TSHZ2: variants seen among roughly 807,000 people sequenced by gnomAD.
The protein encoded by TSHZ2 is teashirt zinc finger homeobox 2, also known as teashirt homolog 2.
A neutral mutation model predicts 74.4 loss-of-function variants in TSHZ2; 21 were observed. The ratio of observed to expected loss-of-function variants is 0.28; its 90% CI spans 0.20 to 0.41. TSHZ2 has a LOEUF of 0.41. Among genes scored for constraint, TSHZ2 ranks in the 10% least tolerant of loss-of-function variants. TSHZ2 has a pLI of 1.00. For missense variants in TSHZ2, 1,244 were observed against 1,293.5 expected (o/e 0.96, Z 0.59); for synonymous variants, 540 against 515.3 (o/e 1.05, Z -0.65).
chr20:53,339,650 T>A (rs1980100063), intron 2 of TSHZ2, among the ~76,000 whole-genome samples: 1 of 152,172 alleles, frequency 6.6e-6, no homozygotes, highest in Non-Finnish European at 1.5e-5. Context: ...GCTATGCAGT[T>A]GCACAGGTCA....
chr20:53,301,089 C>A (rs1463352495), intron 2 of TSHZ2, among the ~76,000 whole-genome samples: 1 of 152,064 alleles, frequency 6.6e-6, no homozygotes, highest in African/African-American at 2.4e-5. Context: ...ACCTCAGCCT[C>A]CCAAGTAGCA....
rs897842558 is a variant in TSHZ2 at position 53,493,106 on chromosome 20, C to A, written c.*5971C>A. ...GCCTTCCGTGCATTTTTATAGTGTA[C>A]ATATTTGTATATACTAACTATATCG... On this transcript the variant is annotated 3_prime_UTR_variant, in exon 3 of 3. Transcript: ENST00000371497. The A allele has an allele frequency of 6.6e-6, 1 of 152,176 alleles. No homozygotes were observed. Among genetic ancestry groups the A allele is most frequent in the Non-Finnish European group, 1.5e-5 (1 of 68,038 alleles). 9.4% of individuals were successfully genotyped at this position (152,176 alleles called of 1,614,324 possible).
In TSHZ2 at chr20:53,478,896, G is replaced by GACTT. The variant is rs537998426; in HGVS notation, c.*9-8245_*9-8242dup. Among the ~76,000 whole-genome samples the GACTT allele has an allele frequency of 4.5e-4, 68 of 152,192 alleles. 2 individuals carry two copies. The highest frequency in any genetic ancestry group is 1.2e-3 in the South Asian group (6 of 4,828). On this transcript the variant is annotated intron_variant, in intron 2 of 2. Coordinates refer to ENST00000371497, the MANE Select transcript of TSHZ2 (RefSeq NM_173485.6). The stretch of plus-strand genomic sequence containing the variant: ...AAAAAAGAAAGGGGCCTGGCACAGT[G>GACTT]ACTTACACCTATAATCCCAGCACTT...
chr20:53,008,404 T>C (rs1982723691), intron 1 of TSHZ2, among the ~76,000 whole-genome samples: 1 of 152,178 alleles, frequency 6.6e-6, no homozygotes, highest in Non-Finnish European at 1.5e-5. Flanking sequence ...AAAATTCCCC[T>C]GGTTGAATAA....
intron 2 of TSHZ2, among the ~76,000 whole-genome samples, chr20:53,445,688 C>T (rs76960281): frequency 6.6e-6 from 1 of 152,274 alleles, no homozygotes; most frequent in Non-Finnish European, 1.5e-5. Context: ...GCCGACAATG[C>T]TGGAACTGTG....
At chr20:53,306,682 C>T (rs1367451912) in intron 2 of TSHZ2, among the ~76,000 whole-genome samples, 2 of 152,150 alleles carry the variant, frequency 1.3e-5, no homozygotes, top group South Asian at 2.1e-4. Context: ...AACAAGATGT[C>T]GTTAAACAGT....
chr20:53,066,619 C>T (rs1057281448), intron 1 of TSHZ2, among the ~76,000 whole-genome samples: 4 of 152,002 alleles, frequency 2.6e-5, no homozygotes, highest in African/African-American at 7.2e-5. Flanking sequence ...GTGATTCTCC[C>T]GCCTCAGCCT....
At chr20:53,476,424 A>G (rs1470547298) in intron 2 of TSHZ2, among the ~76,000 whole-genome samples, 2 of 152,076 alleles carry the variant, frequency 1.3e-5, no homozygotes, top group South Asian at 4.2e-4. Context: ...GATTATCTCA[A>G]TAGATGCAGA....
intron 2 of TSHZ2, among the ~76,000 whole-genome samples, chr20:53,334,263 GT>G (rs1413624491): frequency 6.6e-6 from 1 of 152,198 alleles, no homozygotes; most frequent in African/African-American, 2.4e-5. Context: ...GTGGGAGGGG[GT>G]TAGGGGAGGT....
In TSHZ2 at chr20:53,223,688, G is replaced by A. The variant is rs374199998; in HGVS notation, c.41-29811G>A. Among the ~76,000 whole-genome samples the A allele has an allele frequency of 3.9e-5, 6 of 152,078 alleles. No individual in the cohort carries two copies. The East Asian group carries it at 5.8e-4, about 15-fold the overall frequency. Reference sequence around the variant, plus strand: ...CGGGATTACAGACATGAGCCACTGCGCCCAGCCCCACTCCATTTCTATCAC... The same window carrying A: ...CGGGATTACAGACATGAGCCACTGCACCCAGCCCCACTCCATTTCTATCAC... On this transcript the variant is annotated intron_variant, in intron 1 of 2. Coordinates refer to ENST00000371497, the MANE Select transcript of TSHZ2 (RefSeq NM_173485.6).
chr20:53,053,597 A>T (rs1984548661), intron 1 of TSHZ2, among the ~76,000 whole-genome samples: 1 of 150,818 alleles, frequency 6.6e-6, no homozygotes, highest in Admixed American at 6.6e-5. Context: ...ATATATATAT[A>T]TATTTTTCTC....
chr20:53,058,235 T>G (rs1434239533), intron 1 of TSHZ2, among the ~76,000 whole-genome samples: 7 of 152,186 alleles, frequency 4.6e-5, no homozygotes, highest in African/African-American at 1.7e-4. Context: ...CAGGCCACAG[T>G]CTCGTACTGG....
chr20:53,190,126 TATATATATA>T (rs1988700200), intron 1 of TSHZ2, among the ~76,000 whole-genome samples: 2 of 99,408 alleles, frequency 2.0e-5, no homozygotes, highest in Admixed American at 1.1e-4. Context: ...TATATATATA[TATATATATA>T]TATTTTCTTA....
chr20:53,368,545 A>C (rs1364977051), intron 2 of TSHZ2, among the ~76,000 whole-genome samples: 2 of 152,002 alleles, frequency 1.3e-5, no homozygotes, highest in Non-Finnish European at 2.9e-5. Flanking sequence ...TCCTGACCTC[A>C]AGTGATCCAC....
chr20:53,128,937 T>C (rs568856868), intron 1 of TSHZ2, among the ~76,000 whole-genome samples: 1 of 152,134 alleles, frequency 6.6e-6, no homozygotes, highest in African/African-American at 2.4e-5. Context: ...AGCACTTCCA[T>C]ATGCGCCAGG....
intron 2 of TSHZ2, among the ~76,000 whole-genome samples, chr20:53,325,152 T>C (rs1422209672): frequency 1.3e-5 from 2 of 152,222 alleles, no homozygotes; most frequent in Non-Finnish European, 2.9e-5. Flanking sequence ...CATTTTATTT[T>C]TCTATGTTTT....
chr20:53,073,313 CATCCATCCCTTA>C (rs1985253899), intron 1 of TSHZ2, among the ~76,000 whole-genome samples: 2 of 151,160 alleles, frequency 1.3e-5, no homozygotes, highest in African/African-American at 4.9e-5. Context: ...TCCATCCATC[CATCCATCCCTTA>C]ATCCATTCAT....
chr20:53,259,931 T>C (rs1304831631), intron 2 of TSHZ2, among the ~76,000 whole-genome samples: 2 of 152,236 alleles, frequency 1.3e-5, no homozygotes, highest in Non-Finnish European at 2.9e-5. Flanking sequence ...CAAAATAGCC[T>C]GGACAAATTA....
intron 2 of TSHZ2, among the ~76,000 whole-genome samples, chr20:53,485,889 C>T (rs116895772): frequency 6.6e-6 from 1 of 152,224 alleles, no homozygotes; most frequent in Non-Finnish European, 1.5e-5. Context: ...GTAAAATACA[C>T]ACAACATAAA....
Sources: gnomAD v4.1 joint callset for allele counts (sites outside exome capture counted in the v4.1 genomes callset) on GRCh38, gnomAD v4.1.1 for gene constraint, MANE v1.5 for transcripts, NCBI Gene and HGNC (gene_info 2026-07-23, HGNC 2026-07-21) for gene names.